The following CNTN5 variants were observed in gnomAD, a reference collection of about 807,000 sequenced individuals.
The protein encoded by CNTN5 is contactin 5.
A neutral mutation model predicts 129.1 loss-of-function variants in CNTN5; 77 were observed. That is an observed-to-expected ratio of 0.60 (90% confidence interval 0.50 to 0.72). The LOEUF (loss-of-function observed/expected upper bound fraction) is 0.72, where lower values mean the gene tolerates loss of function less well. Ranked by LOEUF, CNTN5 falls within the 30% of genes least tolerant of loss-of-function variation. CNTN5 has a pLI of 0.00. For synonymous variants in CNTN5, 509 were observed against 465.6 expected (o/e 1.09, Z -1.20); for missense variants, 1,478 against 1,328.8 (o/e 1.11, Z -1.75).
At chr11:99,502,723 A>G (rs1443322643) in intron 2 of CNTN5, among the ~76,000 whole-genome samples, 2 of 152,204 alleles carry the variant, frequency 1.3e-5, no homozygotes, top group African/African-American at 4.8e-5. Flanking sequence ...TTTCAACAAA[A>G]GCACAGTTAT....
intron 1 of CNTN5, among the ~76,000 whole-genome samples, chr11:99,318,786 T>A (rs181177791): frequency 6.6e-6 from 1 of 152,316 alleles, no homozygotes; most frequent in East Asian, 1.9e-4. Context: ...ATGTAGTTAA[T>A]CTGGAATTAT....
intron 1 of CNTN5, among the ~76,000 whole-genome samples, chr11:99,237,714 A>G (rs1336202078): frequency 6.6e-6 from 1 of 152,176 alleles, no homozygotes; most frequent in African/African-American, 2.4e-5. Flanking sequence ...TAAAATGCCT[A>G]GTATGTGCCA....
At chr11:99,626,651 A>G (rs967100699) in intron 3 of CNTN5, among the ~76,000 whole-genome samples, 1 of 152,232 alleles carries the variant, frequency 6.6e-6, no homozygotes, top group South Asian at 2.1e-4. Flanking sequence ...ATAAAATACT[A>G]TATATGAGGA....
chr11:99,831,930 A>T (rs955225335), intron 4 of CNTN5, among the ~76,000 whole-genome samples: 5 of 152,136 alleles, frequency 3.3e-5, no homozygotes, highest in Admixed American at 1.3e-4. Flanking sequence ...TCAGAAGAGG[A>T]TCAGCTTTCA....
At chr11:99,722,893 G>A (rs534215369) in intron 3 of CNTN5, among the ~76,000 whole-genome samples, 43 of 152,050 alleles carry the variant, frequency 2.8e-4, no homozygotes, top group South Asian at 6.2e-4. Flanking sequence ...AATCCCAGTC[G>A]TGTCATCAAT....
rs979208476 is a variant in CNTN5 at position 99,044,728 on chromosome 11, A to C, written c.-210+23458A>C. Among the ~76,000 whole-genome samples the C allele has an allele frequency of 4.6e-5, 7 of 152,306 alleles. No homozygotes were observed. The South Asian group carries it at 1.5e-3, about 32-fold the overall frequency. On this transcript the variant is annotated intron_variant, in intron 1 of 24. Transcript: ENST00000524871. ...CGAGGGGTGGGGCGTGGCTAGAGAAAAGCCAAAGCAGGGTCCTCTGTAAAG... is the reference window on the plus strand; with the variant it reads ...CGAGGGGTGGGGCGTGGCTAGAGAACAGCCAAAGCAGGGTCCTCTGTAAAG...
At chr11:100,014,636 C>A (rs970445358) in intron 9 of CNTN5, among the ~76,000 whole-genome samples, 3 of 152,070 alleles carry the variant, frequency 2.0e-5, no homozygotes, top group Non-Finnish European at 4.4e-5. Flanking sequence ...ATTGATGCTT[C>A]ATTAGCTTTG....
At chr11:100,160,678 G>C (rs1258536587) in intron 13 of CNTN5, among the ~76,000 whole-genome samples, 1 of 151,768 alleles carries the variant, frequency 6.6e-6, no homozygotes, top group African/African-American at 2.4e-5. Flanking sequence ...TCTACTTATG[G>C]GGAAAAGTCA....
intron 8 of CNTN5, among the ~76,000 whole-genome samples, chr11:99,969,169 A>G (rs916763218): frequency 6.6e-6 from 1 of 152,146 alleles, no homozygotes; most frequent in African/African-American, 2.4e-5. Context: ...GCAGCATTTT[A>G]TGAACTCTCT....
At chr11:99,697,360 A>G (rs1954317063) in intron 3 of CNTN5, among the ~76,000 whole-genome samples, 1 of 151,694 alleles carries the variant, frequency 6.6e-6, no homozygotes, top group South Asian at 2.1e-4. Context: ...TCAGTGATCA[A>G]GGTCATCATC....
At chr11:100,118,740 C>G (rs1218676510) in intron 13 of CNTN5, among the ~76,000 whole-genome samples, 1 of 151,704 alleles carries the variant, frequency 6.6e-6, no homozygotes, top group African/African-American at 2.4e-5. Context: ...GTACAATAAG[C>G]CATTTTAATG....
At chr11:99,587,389 G>A (rs1949830919) in intron 3 of CNTN5, among the ~76,000 whole-genome samples, 1 of 152,220 alleles carries the variant, frequency 6.6e-6, no homozygotes, top group East Asian at 1.9e-4. Context: ...AAGACACAGT[G>A]TCTCCCATAA....
chr11:99,852,742 T>C (rs1164007666), intron 6 of CNTN5, among the ~76,000 whole-genome samples: 1 of 152,194 alleles, frequency 6.6e-6, no homozygotes, highest in Non-Finnish European at 1.5e-5. Context: ...GTTTTGCTTT[T>C]AGGAATTCAC....
chr11:100,270,989 G>A (rs1950397753), intron 17 of CNTN5, 103 bp from the exon 18 acceptor site: 2 of 901,708 alleles, frequency 2.2e-6, no homozygotes, highest in Admixed American at 5.2e-5. Context: ...GAGGAAATAT[G>A]CATTAGCCTT....
chr11:99,730,198 C>T (rs1266921529), intron 3 of CNTN5, among the ~76,000 whole-genome samples: 1 of 152,168 alleles, frequency 6.6e-6, no homozygotes, highest in Admixed American at 6.5e-5. Flanking sequence ...GACCTAGCTG[C>T]TGTGTTCTAT....
intron 8 of CNTN5, among the ~76,000 whole-genome samples, chr11:99,973,745 T>A (rs1393535593): frequency 6.6e-6 from 1 of 152,240 alleles, no homozygotes; most frequent in Non-Finnish European, 1.5e-5. Context: ...TCATTTTTAT[T>A]ATCCAGTATT....
At chr11:100,323,346 T>C (rs1951729105) in intron 21 of CNTN5, among the ~76,000 whole-genome samples, 1 of 152,240 alleles carries the variant, frequency 6.6e-6, no homozygotes, top group Admixed American at 6.5e-5. Flanking sequence ...CTTCCTTTGC[T>C]ACTCCAACTG....
At chr11:99,762,279 A>G (rs566803384) in intron 3 of CNTN5, among the ~76,000 whole-genome samples, 2 of 147,812 alleles carry the variant, frequency 1.4e-5, no homozygotes, top group Non-Finnish European at 3.0e-5. Flanking sequence ...ATTAGATCCC[A>G]TTTGTCAATT....
intron 1 of CNTN5, among the ~76,000 whole-genome samples, chr11:99,060,962 C>A (rs1044661803): frequency 6.6e-6 from 1 of 152,122 alleles, no homozygotes; most frequent in African/African-American, 2.4e-5. Flanking sequence ...ATTCTAATCT[C>A]CCTGCGTCTC....
Sources: allele counts gnomAD v4.1 joint callset (sites outside exome capture counted in the v4.1 genomes callset), GRCh38; gene constraint gnomAD v4.1.1; transcripts MANE v1.5; gene names NCBI Gene and HGNC (gene_info 2026-07-23, HGNC 2026-07-21).